Variants in SLC9A7 observed in about 807,000 individuals in gnomAD.
The protein encoded by SLC9A7 is sodium/hydrogen exchanger 7.
A neutral mutation model predicts 52.6 loss-of-function variants in SLC9A7; 19 were observed. The ratio of observed to expected loss-of-function variants is 0.36; its 90% CI spans 0.25 to 0.53. The LOEUF is 0.53. Ranked by LOEUF, SLC9A7 falls within the 20% of genes least tolerant of loss-of-function variation. The pLI, the probability that SLC9A7 is intolerant of heterozygous loss-of-function variation, is 0.91. For missense variants in SLC9A7, 455 were observed against 597.9 expected, an observed-to-expected ratio of 0.76 and a Z score of 2.49; for synonymous variants, 226 against 252.1, an observed-to-expected ratio of 0.90 and a Z score of 0.98.
rs1298026000 is a variant in SLC9A7 at position 46,600,296 on chromosome X, T to TTCTA, written c.*6652_*6655dup. On this transcript the variant is annotated 3_prime_UTR_variant, in exon 17 of 17. Coordinates refer to ENST00000616978, the MANE Select transcript of SLC9A7 (RefSeq NM_001257291.2). The stretch of plus-strand genomic sequence containing the variant: ...GTTTCCATGCTGTTTACAAGTCCTT[T>TTCTA]TCTATCTGAGTTCCTCCAACATATA... The TTCTA allele has an allele frequency of 8.9e-6, 1 of 112,218 alleles. No homozygotes were observed. The highest frequency in any genetic ancestry group is 1.9e-5 in the Non-Finnish European group (1 of 53,264). The allele number at this position is 112,218 out of a possible 1,213,427, so 9.2% of individuals were successfully genotyped here. A position where few individuals can be genotyped will look rare whatever the true frequency, so the allele number is the denominator to read the frequency against.
chrX:46,659,973 T>G (rs1943783483), intron 7 of SLC9A7, among the ~76,000 whole-genome samples: 1 of 110,639 alleles, frequency 9.0e-6, no homozygotes, highest in African/African-American at 3.3e-5. Context: ...CAAACTATAC[T>G]ACAAGGCTAC....
chrX:46,711,908 A>T (rs1419777805), intron 1 of SLC9A7, among the ~76,000 whole-genome samples: 1 of 99,612 alleles, frequency 1.0e-5, no homozygotes, highest in Non-Finnish European at 1.9e-5. Flanking sequence ...TTACACACAC[A>T]CACACACACA....
chrX:46,635,447 C>A, intron 13 of SLC9A7, 142 bp downstream of exon 13: 1 of 468,504 alleles, frequency 2.1e-6, no homozygotes, highest in South Asian at 3.4e-5. Context: ...AGAATTGACT[C>A]AACCTTTTGC....
At chrX:46,731,055 C>T (rs958791103) in intron 1 of SLC9A7, among the ~76,000 whole-genome samples, 1 of 109,404 alleles carries the variant, frequency 9.1e-6, no homozygotes, top group Non-Finnish European at 1.9e-5. Flanking sequence ...AAGCCACTAG[C>T]CCTACCAGAT....
intron 5 of SLC9A7, among the ~76,000 whole-genome samples, chrX:46,663,068 T>C (rs1943851442): frequency 8.9e-6 from 1 of 112,683 alleles, no homozygotes; most frequent in South Asian, 3.6e-4. Flanking sequence ...GCATGGTGGC[T>C]CATGCTTGTA....
chrX:46,658,983 T>C (rs1471782549), intron 7 of SLC9A7, among the ~76,000 whole-genome samples: 2 of 111,423 alleles, frequency 1.8e-5, no homozygotes, highest in Admixed American at 9.6e-5. Context: ...AGCAAAATAC[T>C]GGCAAACCGA....
At chrX:46,650,160 A>T (rs1943559206) in intron 10 of SLC9A7, among the ~76,000 whole-genome samples, 1 of 111,970 alleles carries the variant, frequency 8.9e-6, no homozygotes, top group South Asian at 3.7e-4. Flanking sequence ...TTAAGCCCAG[A>T]AGAGAAAAAC....
chrX:46,659,112 A>C (rs1370577571), intron 7 of SLC9A7, among the ~76,000 whole-genome samples: 1 of 111,749 alleles, frequency 8.9e-6, no homozygotes, highest in African/African-American at 3.3e-5. Context: ...AACAGAACCA[A>C]AGACAAAAAC....
chrX:46,746,412 AAC>A (rs1162738324), intron 1 of SLC9A7, among the ~76,000 whole-genome samples: 1 of 111,527 alleles, frequency 9.0e-6, no homozygotes, highest in Non-Finnish European at 1.9e-5. Flanking sequence ...AGAGATTAAT[AAC>A]CAGAATATAT....
At chrX:46,706,065 A>G (rs554318015) in intron 1 of SLC9A7, among the ~76,000 whole-genome samples, 2 of 109,050 alleles carry the variant, frequency 1.8e-5, no homozygotes, top group South Asian at 8.3e-4. Context: ...AAAAAAATCA[A>G]CTGGGGAAAT....
chrX:46,744,809 C>T (rs769320122), intron 1 of SLC9A7, among the ~76,000 whole-genome samples: 1 of 111,871 alleles, frequency 8.9e-6, no homozygotes, highest in South Asian at 3.7e-4. Context: ...GCAGAGTAGA[C>T]AGCTCCAAAG....
At chrX:46,635,546 A>G in intron 13 of SLC9A7, 43 bp downstream of exon 13, 1 of 1,050,629 alleles carries the variant, frequency 9.5e-7, no homozygotes, top group Non-Finnish European at 1.3e-6. Context: ...AGAGGAGAAA[A>G]GCCAGGCCCA....
chrX:46,730,670 T>TAATATATATATATATATATATA (rs1491295251), intron 1 of SLC9A7, among the ~76,000 whole-genome samples: 3 of 42,917 alleles, frequency 7.0e-5, no homozygotes, highest in African/African-American at 1.9e-4. Context: ...AAAAAAAAAA[T>TAATATATATATATATATATATA]TATATATATA....
intron 1 of SLC9A7, among the ~76,000 whole-genome samples, chrX:46,739,796 T>C: frequency 9.0e-6 from 1 of 111,689 alleles, no homozygotes; most frequent in Non-Finnish European, 1.9e-5. Context: ...CTTTACCAGA[T>C]TTTCCCACAA....
intron 13 of SLC9A7, among the ~76,000 whole-genome samples, chrX:46,634,613 G>C (rs756619374): frequency 8.9e-6 from 1 of 111,847 alleles, no homozygotes; most frequent in Non-Finnish European, 1.9e-5. Context: ...CTTCTTGAAG[G>C]CATGCTTCAA....
At chrX:46,711,907 C>CACACAA (rs1376144149) in intron 1 of SLC9A7, among the ~76,000 whole-genome samples, 1 of 51,937 alleles carries the variant, frequency 1.9e-5, no homozygotes. Context: ...ATTACACACA[C>CACACAA]ACACACACAC....
intron 1 of SLC9A7, among the ~76,000 whole-genome samples, chrX:46,699,950 T>TA (rs979116103): frequency 1.8e-5 from 2 of 110,201 alleles, no homozygotes; most frequent in Non-Finnish European, 3.8e-5. Flanking sequence ...ACCTCGTATC[T>TA]ACAAAAAAAT....
chrX:46,724,389 G>T (rs150404110), intron 1 of SLC9A7, among the ~76,000 whole-genome samples: 1,747 of 111,946 alleles, frequency 0.016, 28 homozygotes, highest in African/African-American at 0.054. Context: ...CCTCACAATG[G>T]TTAACTTGGT....
chrX:46,698,574 CTGG>C (rs892711799), intron 1 of SLC9A7, among the ~76,000 whole-genome samples: 9 of 111,325 alleles, frequency 8.1e-5, no homozygotes, highest in Admixed American at 3.9e-4. Context: ...CATTTATGGA[CTGG>C]TTGTTCTCTC....
Sources: allele counts gnomAD v4.1 joint callset (sites outside exome capture counted in the v4.1 genomes callset), GRCh38; gene constraint gnomAD v4.1.1; transcripts MANE v1.5; gene names NCBI Gene and HGNC (gene_info 2026-07-23, HGNC 2026-07-21).